GREM2: variants seen among roughly 807,000 people sequenced by gnomAD.
The protein encoded by GREM2 is gremlin-2.
In GREM2, 11 loss-of-function variants were observed where a neutral mutation model predicts 14.2. The ratio of observed to expected loss-of-function variants is 0.78; its 90% CI spans 0.49 to 1.28. The LOEUF is 1.28. GREM2 is among the 50% of genes most tolerant of loss of function. The pLI is 0.00. For missense variants in GREM2, 210 were observed against 218.5 expected (o/e 0.96, Z 0.24); for synonymous variants, 98 against 97.6 (o/e 1.00, Z -0.02).
chr1:240,585,232 G>A (rs1172804181), intron 1 of GREM2, among the ~76,000 whole-genome samples: 1 of 152,018 alleles, frequency 6.6e-6, no homozygotes, highest in East Asian at 1.9e-4. Flanking sequence ...AAGGAAGGAA[G>A]GTCCCGAGGG....
intron 1 of GREM2, among the ~76,000 whole-genome samples, chr1:240,575,273 T>A: frequency 6.6e-6 from 1 of 152,114 alleles, no homozygotes; most frequent in East Asian, 1.9e-4. Context: ...AGGGTAAATG[T>A]TGGTTCTACC....
At chr1:240,611,274 A>T (rs905733195) in intron 1 of GREM2, among the ~76,000 whole-genome samples, 13 of 152,236 alleles carry the variant, frequency 8.5e-5, no homozygotes, top group African/African-American at 3.1e-4. Flanking sequence ...AAGACAATGT[A>T]GAAATAAGTC....
intron 1 of GREM2, chr1:240,531,614 G>C: frequency 1.0e-6 from 1 of 981,970 alleles, no homozygotes; most frequent in Non-Finnish European, 1.2e-6. Context: ...TATGTGGCGA[G>C]GCCACTGCTC....
intron 1 of GREM2, among the ~76,000 whole-genome samples, chr1:240,611,074 T>A (rs79298465): frequency 1.0e-3 from 151 of 144,212 alleles, no homozygotes; most frequent in South Asian, 1.1e-3. Context: ...CACCTCAAAA[T>A]AAAAAAAAAA....
rs1486301591 is a variant in GREM2, at chr1:240,493,282, C to A, written c.194G>T (p.Arg65Leu). The A allele has an allele frequency of 6.2e-7, 1 of 1,614,020 alleles. No homozygotes were observed. Among genetic ancestry groups the A allele is most frequent in the Non-Finnish European group, 8.5e-7 (1 of 1,179,962 alleles). ...SSQEALVVTE[R>L]KYLKSDWCKT... ...GCACCAGTCACTCTTGAGGTACTTG[C>A]GCTCGGTGACCACCAGGGCCTCCTG... Residue 65 changes from arginine (R) to leucine (L), a missense_variant, in exon 2 of 2, where the codon CGC becomes CTC. By Grantham distance (102) the Arg-to-Leu change is moderately radical. Transcript: ENST00000318160.
intron 1 of GREM2, among the ~76,000 whole-genome samples, chr1:240,514,019 G>T (rs1029580021): frequency 6.6e-5 from 10 of 152,068 alleles, no homozygotes; most frequent in African/African-American, 2.4e-4. Flanking sequence ...GCTGAGGCGG[G>T]TGGATCACCT....
At chr1:240,579,909 T>C (rs999457575) in intron 1 of GREM2, among the ~76,000 whole-genome samples, 4 of 152,226 alleles carry the variant, frequency 2.6e-5, no homozygotes, top group Admixed American at 1.3e-4. Context: ...TGATTCTGTT[T>C]CTACCTTGGG....
intron 1 of GREM2, among the ~76,000 whole-genome samples, chr1:240,565,729 C>T (rs1679165543): frequency 6.6e-6 from 1 of 151,666 alleles, no homozygotes; most frequent in Non-Finnish European, 1.5e-5. Flanking sequence ...GCCTGTAGTC[C>T]CAGCTACTCT....
At chr1:240,577,442 T>C (rs1462441756) in intron 1 of GREM2, among the ~76,000 whole-genome samples, 1 of 152,232 alleles carries the variant, frequency 6.6e-6, no homozygotes, top group Non-Finnish European at 1.5e-5. Context: ...TGTGCCACTC[T>C]TGAGAATTAA....
chr1:240,551,137 GCA>G (rs1396148085), intron 1 of GREM2, among the ~76,000 whole-genome samples: 1 of 152,120 alleles, frequency 6.6e-6, no homozygotes, highest in Non-Finnish European at 1.5e-5. Context: ...GCTGATCCAA[GCA>G]CAGAGTCTAC....
chr1:240,501,457 T>C (rs749978013), intron 1 of GREM2, among the ~76,000 whole-genome samples: 8 of 152,250 alleles, frequency 5.3e-5, no homozygotes, highest in Non-Finnish European at 8.8e-5. Context: ...TATCATTACT[T>C]ACTTTGACTT....
intron 1 of GREM2, among the ~76,000 whole-genome samples, chr1:240,597,503 A>C (rs900279578): frequency 6.6e-6 from 1 of 152,222 alleles, no homozygotes; most frequent in Admixed American, 6.5e-5. Flanking sequence ...CAGTGTTTCA[A>C]ACGTCCCTTT....
At chr1:240,594,234 G>A (rs1053413057) in intron 1 of GREM2, among the ~76,000 whole-genome samples, 4 of 152,102 alleles carry the variant, frequency 2.6e-5, no homozygotes, top group Admixed American at 6.6e-5. Context: ...GATTAGAGGC[G>A]TGGTGTGAGC....
chr1:240,610,739 A>G (rs959700460), intron 1 of GREM2, among the ~76,000 whole-genome samples: 2 of 152,190 alleles, frequency 1.3e-5, no homozygotes, highest in Non-Finnish European at 2.9e-5. Flanking sequence ...ACGAAAGGTA[A>G]GGTATTTGAT....
rs58405102 is a variant in GREM2 at position 240,561,726 on chromosome 1, A to AC, written c.-2+50157_-2+50158insG. Among the ~76,000 whole-genome samples the AC allele has an allele frequency of 4.6e-5, 7 of 151,320 alleles. No homozygotes were observed. The South Asian group carries it at 1.3e-3, about 27-fold the overall frequency. ...CACACACACACACACACACACACAC[A>AC]AACTGCCATAGGAACTGTGAAATGG... On this transcript the variant is annotated intron_variant, in intron 1 of 1. Transcript: ENST00000318160.
intron 1 of GREM2, among the ~76,000 whole-genome samples, chr1:240,609,924 C>A (rs1680101176): frequency 6.6e-6 from 1 of 151,690 alleles, no homozygotes; most frequent in Non-Finnish European, 1.5e-5. Context: ...CTGGCTGGCT[C>A]TACTAAGATT....
intron 1 of GREM2, among the ~76,000 whole-genome samples, chr1:240,507,839 T>C (rs1175506300): frequency 6.6e-6 from 1 of 152,192 alleles, no homozygotes; most frequent in Middle Eastern, 3.2e-3. Context: ...GTGAAGACGA[T>C]GTGTACAGAA....
At chr1:240,523,865 A>G (rs556050719) in intron 1 of GREM2, among the ~76,000 whole-genome samples, 7 of 152,208 alleles carry the variant, frequency 4.6e-5, no homozygotes, top group Non-Finnish European at 1.0e-4. Flanking sequence ...GGCAGTTTGT[A>G]TGCTCAGCAA....
intron 1 of GREM2, among the ~76,000 whole-genome samples, chr1:240,590,414 A>ACTTTTT (rs1198618461): frequency 2.7e-5 from 4 of 146,260 alleles, no homozygotes; most frequent in African/African-American, 7.6e-5. Context: ...GGATTTTTTT[A>ACTTTTT]CTTTTTCTTT....
Sources: allele counts gnomAD v4.1 joint callset (sites outside exome capture counted in the v4.1 genomes callset), GRCh38; gene constraint gnomAD v4.1.1; transcripts MANE v1.5; gene names NCBI Gene and HGNC (gene_info 2026-07-23, HGNC 2026-07-21).